Variants in SI observed in about 807,000 individuals in gnomAD.
The protein encoded by SI is sucrase-isomaltase, intestinal.
In SI, 235 loss-of-function variants were observed where a neutral mutation model predicts 253.3. The observed-to-expected ratio is 0.93, with a 90% CI of 0.83 to 1.03. SI has a LOEUF of 1.03. SI is among the 50% of genes least tolerant of loss of function. The probability of loss-of-function intolerance (pLI) is 0.00; values close to 1 mark genes in which losing one functional copy is unlikely to be tolerated. For missense variants in SI, 2,442 were observed against 2,211.1 expected (o/e 1.10, Z -2.09); for synonymous variants, 819 against 712.0 (o/e 1.15, Z -2.39).
At chr3:165,074,295 C>A in intron 3 of SI, 1 of 229,062 alleles carries the variant, frequency 4.4e-6, no homozygotes, top group Admixed American at 5.3e-5. Flanking sequence ...TTAACTATAA[C>A]TTGTTAAATA....
rs1714190959 is a variant in SI at position 165,065,434 on chromosome 3, T to A, written c.636-2A>T. On this transcript the variant is annotated splice_acceptor_variant, in intron 6 of 47. Coordinates refer to ENST00000264382, the MANE Select transcript of SI (RefSeq NM_001041.4). LOFTEE classifies it high-confidence loss of function. ...AAGGGACCAATGCTGGTGTCAAACC[T>A]GCACCATAAAAGAAATAAAGAAATA... 1.5e-6 allele frequency: 2 copies of A among 1,352,498 alleles called. No homozygotes were observed. The highest frequency in any genetic ancestry group is 2.3e-4 in the Middle Eastern group (1 of 4,326). The allele number at this position is 1,352,498 out of a possible 1,614,324, so 83.8% of individuals were successfully genotyped here.
intron 47 of SI, among the ~76,000 whole-genome samples, chr3:164,981,442 T>C (rs533041923): frequency 6.6e-6 from 1 of 152,160 alleles, no homozygotes; most frequent in African/African-American, 2.4e-5. Flanking sequence ...TTCAAGTTAG[T>C]CGAACATCTG....
chr3:165,070,408 C>A (rs1560018405), intron 3 of SI, among the ~76,000 whole-genome samples: 2 of 140,018 alleles, frequency 1.4e-5, no homozygotes, highest in South Asian at 2.2e-4. Flanking sequence ...ATATTTATAC[C>A]CAAACACACA....
chr3:165,023,357 C>T (rs1439583969), intron 26 of SI, among the ~76,000 whole-genome samples: 2 of 151,412 alleles, frequency 1.3e-5, no homozygotes, highest in Non-Finnish European at 3.0e-5. Flanking sequence ...TTAAAATCAT[C>T]ATTGTATTAA....
the SI span, among the ~76,000 whole-genome samples, chr3:165,086,257 A>G: frequency 2.0e-5 from 3 of 152,128 alleles, no homozygotes; most frequent in Non-Finnish European, 4.4e-5. Flanking sequence ...TCCGTCTCAA[A>G]AAAAAAGAAA....
intron 25 of SI, among the ~76,000 whole-genome samples, chr3:165,028,243 G>T (rs1712029889): frequency 1.3e-5 from 2 of 151,326 alleles, no homozygotes; most frequent in Admixed American, 6.6e-5. Flanking sequence ...AACCAAGGAG[G>T]TGAAAGACCT....
chr3:165,021,082 A>G, intron 27 of SI, 147 bp downstream of exon 27: 1 of 671,280 alleles, frequency 1.5e-6, no homozygotes, highest in South Asian at 1.8e-5. Context: ...TTAGCTAGAA[A>G]TATTAAAATG....
intron 3 of SI, among the ~76,000 whole-genome samples, chr3:165,071,200 A>C (rs974924177): frequency 6.6e-6 from 1 of 152,022 alleles, no homozygotes. Context: ...TATTTAACCT[A>C]CTACATATAC....
At chr3:165,066,739 A>C (rs1034867842) in intron 6 of SI, among the ~76,000 whole-genome samples, 1 of 151,944 alleles carries the variant, frequency 6.6e-6, no homozygotes, top group African/African-American at 2.4e-5. Flanking sequence ...GATTTAACAC[A>C]AAGTCATAAA....
At chr3:164,995,238 A>G (rs74721221) in intron 40 of SI, among the ~76,000 whole-genome samples, 7,860 of 151,788 alleles carry the variant, frequency 0.052, 686 homozygotes, top group African/African-American at 0.18. Flanking sequence ...TGAAAATTTC[A>G]TGTCATAGCT....
chr3:165,009,723 G>T (rs1718684967), intron 34 of SI, among the ~76,000 whole-genome samples: 1 of 152,114 alleles, frequency 6.6e-6, no homozygotes, highest in South Asian at 2.1e-4. Flanking sequence ...CCATACTTCA[G>T]GTTTACCTTT....
intron 22 of SI, among the ~76,000 whole-genome samples, chr3:165,033,793 C>T (rs999341520): frequency 2.0e-5 from 3 of 151,392 alleles, no homozygotes; most frequent in African/African-American, 7.3e-5. Context: ...AACCTCATAA[C>T]AGTACATTTT....
At chr3:165,008,046 CAT>C (rs769748939) in intron 35 of SI, 48 bp from the exon 36 acceptor site, 2 of 983,282 alleles carry the variant, frequency 2.0e-6, no homozygotes, top group South Asian at 2.6e-5. Flanking sequence ...AAATTTACAA[CAT>C]ATATTCTCAA....
intron 22 of SI, 54 bp downstream of exon 22, chr3:165,036,335 C>G: frequency 7.9e-7 from 1 of 1,264,806 alleles, no homozygotes. Flanking sequence ...TCAATAAAGC[C>G]AAAACTTCCC....
rs915347775 is a variant in SI at position 165,019,597 on chromosome 3, C to T, written c.3423+5G>A. The stretch of plus-strand genomic sequence containing the variant: ...CTCGTGGAGTGGTCATATGTTGGTA[C>T]CTACACCAGGGGGTTGGTCTCTTGT... On this transcript the variant is annotated splice_donor_5th_base_variant and intron_variant, in intron 28 of 47. Transcript: ENST00000264382. 1.2e-6 allele frequency: 2 copies of T among 1,611,810 alleles called. No homozygotes were observed. The highest frequency in any genetic ancestry group is 1.7e-6 in the Non-Finnish European group (2 of 1,178,478).
At chr3:164,981,896 T>C (rs1043371137) in intron 47 of SI, among the ~76,000 whole-genome samples, 1 of 152,188 alleles carries the variant, frequency 6.6e-6, no homozygotes, top group South Asian at 2.1e-4. Context: ...AATTTTCAAA[T>C]ACATTTTCAA....
At chr3:165,017,733 T>TG in intron 30 of SI, 28 bp downstream of exon 30, 1 of 1,597,750 alleles carries the variant, frequency 6.3e-7, no homozygotes, top group Middle Eastern at 1.7e-4. Context: ...AAATTTTTAA[T>TG]TTTTTTAAAA....
intron 44 of SI, among the ~76,000 whole-genome samples, chr3:164,989,433 A>AAGG (rs1559978202): frequency 2.3e-4 from 31 of 132,860 alleles, no homozygotes; most frequent in African/African-American, 1.0e-3. Flanking sequence ...AGAAAGAAAG[A>AAGG]AAGGAAAGAA....
intron 45 of SI, 80 bp from the exon 46 acceptor site, chr3:164,983,131 C>G: frequency 7.4e-7 from 1 of 1,346,158 alleles, no homozygotes; most frequent in Admixed American, 2.0e-5. Context: ...CTTTGCTTCT[C>G]TTTCCCAGTA....
Sources: gnomAD v4.1 joint callset for allele counts (sites outside exome capture counted in the v4.1 genomes callset) on GRCh38, gnomAD v4.1.1 for gene constraint, MANE v1.5 for transcripts, NCBI Gene and HGNC (gene_info 2026-07-23, HGNC 2026-07-21) for gene names.